The following PPP1R12A variants were observed in gnomAD, a reference collection of about 807,000 sequenced individuals.
PPP1R12A encodes the protein protein phosphatase 1 regulatory subunit 12A, also known as myosin binding subunit.
PPP1R12A carries 19 observed loss-of-function variants against 139.6 expected under a neutral mutation model. The ratio of observed to expected loss-of-function variants is 0.14; its 90% confidence interval spans 0.09 to 0.20. The LOEUF (loss-of-function observed/expected upper bound fraction) is 0.20. PPP1R12A is among the 10% of genes least tolerant of loss of function. The probability of loss-of-function intolerance (pLI) is 1.00; values close to 1 mark genes in which losing one functional copy is unlikely to be tolerated. For missense variants in PPP1R12A, 925 were observed against 1,211.5 expected, an observed-to-expected ratio of 0.76 and a Z score of 3.51; for synonymous variants, 427 against 420.6, an observed-to-expected ratio of 1.02 and a Z score of -0.19.
At chr12:79,916,366 T>C (rs1886996507) in intron 1 of PPP1R12A, among the ~76,000 whole-genome samples, 1 of 42,332 alleles carries the variant, frequency 2.4e-5, no homozygotes, top group Admixed American at 3.3e-4. Flanking sequence ...GACTTGGGGC[T>C]GTTTTTTCAA....
intron 14 of PPP1R12A, among the ~76,000 whole-genome samples, chr12:79,802,663 C>A (rs191331739): frequency 5.5e-4 from 84 of 152,136 alleles, no homozygotes; most frequent in Admixed American, 9.2e-4. Context: ...CACCTGTAGT[C>A]CTAGCTACTC....
chr12:79,832,289 A>C (rs1218425340), intron 4 of PPP1R12A, 43 bp downstream of exon 4: 7 of 1,528,158 alleles, frequency 4.6e-6, no homozygotes, highest in African/African-American at 2.8e-5. Flanking sequence ...TGAATAAAGA[A>C]GACAAACTAA....
Position 79,788,723 on chromosome 12 carries a change from T to G in PPP1R12A, c.2727A>C (p.Gly909=). 1 of 1,613,340 alleles carries G rather than the reference T, an allele frequency of 6.2e-7. No homozygotes were observed. The highest frequency in any genetic ancestry group is 8.5e-7 in the Non-Finnish European group (1 of 1,179,562). Residue 909 remains glycine (G), a synonymous_variant, in exon 21 of 25, where the codon GGA becomes GGC. Transcript: ENST00000450142. ...DRYDSLLGRS[G]SYSYLEERKP... is the part of the protein sequence containing the mutation. ...TTCTTTCTTCTAAGTAACTGTATGA[T>G]CCAGAGCGACCCAGCAAGGAATCAT...
chr12:79,871,348 T>G (rs894750390), intron 2 of PPP1R12A, among the ~76,000 whole-genome samples: 5 of 152,222 alleles, frequency 3.3e-5, no homozygotes, highest in African/African-American at 4.8e-5. Context: ...TATTGTCTTT[T>G]CAAACTCAGA....
intron 1 of PPP1R12A, among the ~76,000 whole-genome samples, chr12:79,880,424 T>C (rs1337555759): frequency 6.6e-6 from 1 of 152,180 alleles, no homozygotes; most frequent in Non-Finnish European, 1.5e-5. Context: ...AGACAGTATC[T>C]GTAAGTTATA....
At position 79,916,493 on chromosome 12, in the gene PPP1R12A, T is replaced by C. The variant is rs114763416; in HGVS notation, c.237+18202A>G. Among the ~76,000 whole-genome samples, 758 of 152,334 alleles carry C rather than the reference T, an allele frequency of 5.0e-3. 5 individuals are homozygous for C. Among genetic ancestry groups the C allele is most frequent in the African/African-American group, 0.017 (721 of 41,580 alleles). The stretch of plus-strand genomic sequence containing the variant: ...ATTCTTTCTTCACATTATCTCCTAT[T>C]GGATTGTTTAAAATTCTAAAACCCA... On this transcript the variant is annotated intron_variant, in intron 1 of 24. Transcript: ENST00000450142.
At chr12:79,886,721 A>G (rs1464172371) in intron 1 of PPP1R12A, among the ~76,000 whole-genome samples, 4 of 152,198 alleles carry the variant, frequency 2.6e-5, no homozygotes, top group African/African-American at 9.6e-5. Context: ...AAAAACCCAC[A>G]AAAGTTTCTA....
intron 10 of PPP1R12A, 48 bp downstream of exon 10, chr12:79,809,747 A>C (rs1218919715): frequency 6.9e-7 from 1 of 1,445,610 alleles, no homozygotes; most frequent in South Asian, 1.3e-5. Flanking sequence ...GTTCCTGGAA[A>C]AGAAATCATA....
chr12:79,886,630 A>G (rs185833440), intron 1 of PPP1R12A, among the ~76,000 whole-genome samples: 7 of 152,322 alleles, frequency 4.6e-5, no homozygotes, highest in Admixed American at 4.6e-4. Context: ...AAGAGAGATC[A>G]CAATATATAT....
chr12:79,839,188 C>G lies in PPP1R12A; in HGVS notation c.487+6114G>C, dbSNP rs370391136. Among the ~76,000 whole-genome samples, 19 of 152,336 alleles carry G rather than the reference C, an allele frequency of 1.2e-4. No homozygotes were observed. In the East Asian group the frequency reaches 3.1e-3, roughly 25 times the overall value. On this transcript the variant is annotated intron_variant, in intron 3 of 24. Transcript: ENST00000450142. ...AATAACAGCCCTACTGGATTTCACA[C>G]TTCCATGGGGCTTATAGCCTCTTTG...
intron 1 of PPP1R12A, among the ~76,000 whole-genome samples, chr12:79,890,059 GA>G (rs1330536865): frequency 6.6e-6 from 1 of 152,100 alleles, no homozygotes; most frequent in Admixed American, 6.6e-5. Flanking sequence ...GAAATATTCA[GA>G]CCATAGCAGT....
chr12:79,887,687 T>A lies in PPP1R12A; in HGVS notation c.238-14749A>T, dbSNP rs1262802049. ...GGTTCACAAACTCAGCTAGAGGGGT[T>A]TAATCAATAAATACACTCAATAAAT... On this transcript the variant is annotated intron_variant, in intron 1 of 24. Coordinates refer to ENST00000450142, the MANE Select transcript of PPP1R12A (RefSeq NM_002480.3). Among the ~76,000 whole-genome samples, 6 of 152,190 alleles carry A rather than the reference T, an allele frequency of 3.9e-5. No homozygotes were observed. In the South Asian group the frequency reaches 1.0e-3, roughly 26 times the overall value.
At position 79,774,778 on chromosome 12, in the gene PPP1R12A, T is replaced by G. The variant is rs921073208; in HGVS notation, c.*1151A>C. 6.6e-6 allele frequency: 1 copy of G among 152,594 alleles called. No individual in the cohort carries two copies. Among genetic ancestry groups the G allele is most frequent in the Admixed American group, 6.5e-5 (1 of 15,282 alleles). 9.5% of individuals were successfully genotyped at this position (152,594 alleles called of 1,614,324 possible). ...CTGCAAATGATTTCATAGCATTACT[T>G]TGGCTAGCACAACAGTTTTAGACAG... On this transcript the variant is annotated 3_prime_UTR_variant, in exon 25 of 25. Transcript: ENST00000450142.
chr12:79,799,079 T>TA (rs1872789204), intron 14 of PPP1R12A, among the ~76,000 whole-genome samples: 1 of 152,172 alleles, frequency 6.6e-6, no homozygotes, highest in Non-Finnish European at 1.5e-5. Flanking sequence ...GGTTTTAAAT[T>TA]ATTCTCTACC....
At chr12:79,854,291 G>A (rs1027722840) in intron 2 of PPP1R12A, among the ~76,000 whole-genome samples, 8 of 152,078 alleles carry the variant, frequency 5.3e-5, no homozygotes, top group South Asian at 2.1e-4. Flanking sequence ...TTTTAAAATC[G>A]GTATTTATGA....
In PPP1R12A at chr12:79,925,877, T is replaced by C. The variant is rs80040044; in HGVS notation, c.237+8818A>G. Among the ~76,000 whole-genome samples the C allele has an allele frequency of 5.5e-3, 833 of 152,322 alleles. 6 individuals are homozygous for C. The highest frequency in any genetic ancestry group is 0.019 in the African/African-American group (792 of 41,568). On this transcript the variant is annotated intron_variant, in intron 1 of 24. Transcript: ENST00000450142. The stretch of plus-strand genomic sequence containing the variant: ...AGTATCAGTAAAATAACAGAAAATA[T>C]GCATTATTTCTAATATTACCATGCT...
intron 3 of PPP1R12A, among the ~76,000 whole-genome samples, chr12:79,834,231 A>G (rs1486183209): frequency 6.6e-6 from 1 of 152,212 alleles, no homozygotes; most frequent in African/African-American, 2.4e-5. Context: ...ACAAGAAATA[A>G]AGTGAGTGAC....
At chr12:79,799,191 C>T (rs1354438461) in intron 14 of PPP1R12A, among the ~76,000 whole-genome samples, 6 of 152,096 alleles carry the variant, frequency 3.9e-5, no homozygotes, top group Admixed American at 3.9e-4. Context: ...CTCTGTCGCC[C>T]AGGCTGGAGT....
At chr12:79,782,932 A>T (rs936774604) in intron 22 of PPP1R12A, among the ~76,000 whole-genome samples, 2 of 152,152 alleles carry the variant, frequency 1.3e-5, no homozygotes, top group African/African-American at 2.4e-5. Context: ...TTTTATGCCA[A>T]CCCTTTCAGT....
Sources: allele counts gnomAD v4.1 joint callset (sites outside exome capture counted in the v4.1 genomes callset), GRCh38; gene constraint gnomAD v4.1.1; transcripts MANE v1.5; gene names NCBI Gene and HGNC (gene_info 2026-07-23, HGNC 2026-07-21).